The following OPCML variants were observed in gnomAD, a reference collection of about 807,000 sequenced individuals.
OPCML encodes opioid binding protein/cell adhesion molecule like, also known as opioid-binding protein/cell adhesion molecule.
In OPCML, 13 loss-of-function variants were observed where a neutral mutation model predicts 37.8. That is an observed-to-expected ratio of 0.34 (90% confidence interval 0.22 to 0.55). OPCML has a LOEUF of 0.55. Ranked by LOEUF, OPCML falls within the 20% of genes least tolerant of loss-of-function variation. The pLI is 0.91. For synonymous variants in OPCML, 176 were observed against 168.8 expected (o/e 1.04, Z -0.33); for missense variants, 341 against 435.6 (o/e 0.78, Z 1.93).
At chr11:133,458,496 G>GTGTGTGTGTATATACACATATATACAC (rs1946756698) in intron 1 of OPCML, among the ~76,000 whole-genome samples, 2 of 89,334 alleles carry the variant, frequency 2.2e-5, no homozygotes, top group Non-Finnish European at 4.0e-5. Context: ...ATATATACAC[G>GTGTGTGTGTATATACACATATATACAC]TGTGTGTGTA....
intron 2 of OPCML, among the ~76,000 whole-genome samples, chr11:132,855,712 G>C (rs1488782517): frequency 1.3e-5 from 2 of 152,158 alleles, no homozygotes; most frequent in African/African-American, 4.8e-5. Context: ...CCTCATCAGA[G>C]TGCCTGAGGC....
intron 1 of OPCML, among the ~76,000 whole-genome samples, chr11:133,321,510 A>C (rs1229768970): frequency 6.6e-6 from 1 of 152,084 alleles, no homozygotes; most frequent in Non-Finnish European, 1.5e-5. Flanking sequence ...GTGGGCCTAA[A>C]TATTTCCTCT....
intron 1 of OPCML, among the ~76,000 whole-genome samples, chr11:133,039,099 C>G (rs1947837164): frequency 6.6e-6 from 1 of 152,180 alleles, no homozygotes; most frequent in South Asian, 2.1e-4. Context: ...TTCACAACTC[C>G]AAGGCCTTTT....
intron 4 of OPCML, among the ~76,000 whole-genome samples, chr11:132,523,277 C>CCTAAG (rs1220004040): frequency 6.6e-6 from 1 of 152,172 alleles, no homozygotes; most frequent in Non-Finnish European, 1.5e-5. Context: ...CAGGTGATAA[C>CCTAAG]CATAGGTGGT....
At chr11:132,939,145 G>A (rs1213402323) in intron 2 of OPCML, among the ~76,000 whole-genome samples, 1 of 152,108 alleles carries the variant, frequency 6.6e-6, no homozygotes, top group African/African-American at 2.4e-5. Context: ...GAAAAATAAT[G>A]CATTTGTTTT....
At chr11:132,649,389 C>T (rs990005455) in intron 3 of OPCML, among the ~76,000 whole-genome samples, 6 of 152,116 alleles carry the variant, frequency 3.9e-5, no homozygotes, top group African/African-American at 4.8e-5. Context: ...ACTCTGGCTA[C>T]GCAAGGTGTC....
chr11:132,917,632 C>T (rs1176599311), intron 2 of OPCML, among the ~76,000 whole-genome samples: 1 of 152,194 alleles, frequency 6.6e-6, no homozygotes, highest in East Asian at 1.9e-4. Flanking sequence ...AGTCTAGAAG[C>T]TGTAGGTTTT....
intron 1 of OPCML, among the ~76,000 whole-genome samples, chr11:133,263,478 C>G (rs564293214): frequency 6.6e-6 from 1 of 152,304 alleles, no homozygotes; most frequent in East Asian, 1.9e-4. Context: ...GCAGTAGGCT[C>G]TGCCCTACAG....
chr11:133,422,667 T>C, intron 1 of OPCML: 1 of 983,656 alleles, frequency 1.0e-6, no homozygotes, highest in Non-Finnish European at 1.2e-6. Context: ...ACTAATTTCC[T>C]TTTAATAATT....
intron 2 of OPCML, among the ~76,000 whole-genome samples, chr11:132,689,650 C>A (rs74403543): frequency 1.3e-5 from 2 of 152,194 alleles, no homozygotes; most frequent in East Asian, 1.9e-4. Flanking sequence ...GCAGGAAGAG[C>A]AGTACTGCAC....
chr11:133,461,881 T>G (rs992420530), intron 1 of OPCML, among the ~76,000 whole-genome samples: 1 of 130,062 alleles, frequency 7.7e-6, no homozygotes, highest in Non-Finnish European at 1.8e-5. Flanking sequence ...TATCAAAACT[T>G]ACTATAAAGC....
intron 1 of OPCML, chr11:133,298,718 C>T (rs535988955): frequency 9.2e-5 from 14 of 152,154 alleles, no homozygotes; most frequent in Non-Finnish European, 1.3e-4. Context: ...CCAGCAACAA[C>T]GTACTAGACA....
At chr11:132,887,446 T>C (rs1309748989) in intron 2 of OPCML, among the ~76,000 whole-genome samples, 1 of 152,180 alleles carries the variant, frequency 6.6e-6, no homozygotes, top group Non-Finnish European at 1.5e-5. Flanking sequence ...ATAAAATGGA[T>C]TGAATGCATA....
intron 1 of OPCML, among the ~76,000 whole-genome samples, chr11:133,510,079 C>T (rs966552069): frequency 4.6e-5 from 7 of 152,108 alleles, no homozygotes; most frequent in Non-Finnish European, 8.8e-5. Context: ...TGCAGGTGTG[C>T]GTCTCTACAG....
At chr11:133,010,851 A>G (rs888559246) in intron 1 of OPCML, among the ~76,000 whole-genome samples, 2 of 152,214 alleles carry the variant, frequency 1.3e-5, no homozygotes, top group African/African-American at 4.8e-5. Context: ...AATAACTGTA[A>G]AATAGAAGAT....
intron 1 of OPCML, among the ~76,000 whole-genome samples, chr11:133,525,388 A>G (rs1329100868): frequency 6.6e-6 from 1 of 152,194 alleles, no homozygotes; most frequent in Admixed American, 6.5e-5. Context: ...CAGAGTGACT[A>G]AAGTCCAGAG....
chr11:132,557,055 T>G (rs1305203703), intron 3 of OPCML, among the ~76,000 whole-genome samples: 1 of 152,178 alleles, frequency 6.6e-6, no homozygotes, highest in Non-Finnish European at 1.5e-5. Context: ...AGCAGGATAT[T>G]ACAAGAAAAA....
At chr11:133,400,641 T>TA (rs1225295400) in intron 1 of OPCML, among the ~76,000 whole-genome samples, 4 of 152,250 alleles carry the variant, frequency 2.6e-5, no homozygotes, top group South Asian at 4.1e-4. Flanking sequence ...AATTTAAAAT[T>TA]AAAAAATGTA....
Position 132,898,155 on chromosome 11 carries a change from G to C in OPCML, c.146+44771C>G, listed in dbSNP as rs574520635. Among the ~76,000 whole-genome samples, 6 of 152,298 alleles carry C rather than the reference G, an allele frequency of 3.9e-5. No individual in the cohort carries two copies. In the South Asian group the frequency reaches 1.2e-3, roughly 32 times the overall value. ...CCACCACTGAGTGCTCAGTTGGCCTGTTGCAGAGACCAACGCTGAAACCCT... is the reference window on the plus strand; with the variant it reads ...CCACCACTGAGTGCTCAGTTGGCCTCTTGCAGAGACCAACGCTGAAACCCT... On this transcript the variant is annotated intron_variant, in intron 2 of 7. Transcript: ENST00000524381.
Sources: gnomAD v4.1 joint callset for allele counts (sites outside exome capture counted in the v4.1 genomes callset) on GRCh38, gnomAD v4.1.1 for gene constraint, MANE v1.5 for transcripts, NCBI Gene and HGNC (gene_info 2026-07-23, HGNC 2026-07-21) for gene names.